Variants in RFPL3 observed in about 807,000 individuals in gnomAD.
RFPL3 encodes the protein ret finger protein like 3.
Under a neutral mutation model 8.7 loss-of-function variants are expected in RFPL3, and 8 were observed. The observed-to-expected ratio is 0.92, with a 90% CI of 0.54 to 1.66. The LOEUF is 1.66. Among genes scored for constraint, RFPL3 ranks in the 40% most tolerant of loss-of-function variants. The pLI is 0.00. For missense variants in RFPL3, 341 were observed against 395.0 expected (o/e 0.86, Z 1.16); for synonymous variants, 145 against 150.5 (o/e 0.96, Z 0.27).
upstream of RFPL3, among the ~76,000 whole-genome samples, chr22:32,355,781 C>CAAAAAAAAAA (rs5844988): frequency 3.0e-5 from 3 of 99,928 alleles, no homozygotes; most frequent in East Asian, 2.4e-4. Context: ...GACTTTGTCT[C>CAAAAAAAAAA]AAAAAAAAAA....
At position 32,358,086 on chromosome 22, in the gene RFPL3, A is replaced by G; in HGVS notation, c.15A>G (p.Ser5=). ...TACCTCTATGCATGAAAAGGTTGTC[A>G]CTTGTCACAACTAACAGGCTTTCAC... is the stretch of plus-strand genomic sequence containing the variant. MKRL[S]LVTTNRLSPQ... is the part of the protein sequence containing the mutation. Residue 5 remains serine (S), a synonymous_variant, in exon 1 of 2, where the codon TCA becomes TCG. Transcript: ENST00000249007. The G allele has an allele frequency of 6.2e-7, 1 of 1,613,278 alleles. No homozygotes were observed. The highest frequency in any genetic ancestry group is 8.5e-7 in the Non-Finnish European group (1 of 1,179,404).
chr22:32,358,204 G>C lies in RFPL3; in HGVS notation c.133G>C (p.Asp45His), dbSNP rs1932730807. The C allele has an allele frequency of 6.2e-7, 1 of 1,614,006 alleles. No individual in the cohort carries two copies. Among genetic ancestry groups the C allele is most frequent in the Non-Finnish European group, 8.5e-7 (1 of 1,179,876 alleles). The part of the protein sequence containing the change: ...QEASSCPVCS[D>H]YLEKPMSLEC... ...AGCAAGCAGCTGTCCCGTCTGCTCA[G>C]ACTATCTGGAAAAACCAATGTCCCT... The change falls in exon 1 of 2, where the codon GAC becomes CAC. Residue 45 changes from aspartate (D) to histidine (H), a missense_variant. By Grantham distance (81) the Asp-to-His change is moderately conservative. Transcript: ENST00000249007.
At position 32,360,520 on chromosome 22, in the gene RFPL3, A is replaced by C. The variant is rs753025546; in HGVS notation, c.642A>C (p.Gly214=). 7.4e-6 allele frequency: 12 copies of C among 1,613,940 alleles called. No homozygotes were observed. Among genetic ancestry groups the C allele is most frequent in the Admixed American group, 3.3e-5 (2 of 60,008 alleles). ...KGKIQLTTEL[G]FWTVSLRDGS... is the part of the protein sequence containing the mutation. ...AGATCCAGCTGACCACAGAGCTTGG[A>C]TTCTGGACTGTGAGTTTGAGGGATG... The change falls in exon 2 of 2, where the codon GGA becomes GGC. Residue 214 remains glycine, a synonymous_variant. Coordinates refer to ENST00000249007, the MANE Select transcript of RFPL3 (RefSeq NM_001098535.1).
rs780270312 is a variant in RFPL3 at position 32,360,307 on chromosome 22, C to A, written c.429C>A (p.Asp143Glu). ...TANNFLLISD[D>E]LRSVRSGLIT... ...ACAACTTCCTCCTCATTTCTGACGA[C>A]CTCAGGAGCGTCCGAAGTGGGCTCA... Residue 143 changes from aspartate to glutamate, a missense_variant, in exon 2 of 2, where the codon GAC (aspartate) becomes GAA (glutamate). Physicochemically the swap from Asp to Glu is conservative, Grantham distance 45. Coordinates refer to ENST00000249007, the MANE Select transcript of RFPL3 (RefSeq NM_001098535.1). 1.2e-6 allele frequency: 2 copies of A among 1,613,834 alleles called. No individual in the cohort carries two copies. Among genetic ancestry groups the A allele is most frequent in the African/African-American group, 1.3e-5 (1 of 74,920 alleles).
At chr22:32,356,736 C>A, upstream of RFPL3, 1 of 376,820 alleles carries the variant, frequency 2.7e-6, no homozygotes, top group Non-Finnish European at 5.2e-6. Context: ...GACCTTACAG[C>A]TGTAGCTGCT....
rs755983301 is a variant in RFPL3, at chr22:32,360,592, A to G, written c.714A>G (p.Val238=). 2 of 1,613,636 alleles carry G rather than the reference A, an allele frequency of 1.2e-6. No individual in the cohort carries two copies. The highest frequency in any genetic ancestry group is 1.3e-5 in the African/African-American group (1 of 74,908). The part of the protein sequence containing the change: ...ASTVPLTFLL[V]DRKLQRVGIF... ...CGGTGCCGCTGACTTTCCTCTTAGTAGACCGCAAGTTACAGCGAGTGGGGA... is the reference window on the plus strand; with the variant it reads ...CGGTGCCGCTGACTTTCCTCTTAGTGGACCGCAAGTTACAGCGAGTGGGGA... The change falls in exon 2 of 2, where the codon GTA becomes GTG. Residue 238 remains valine, a synonymous_variant. Coordinates refer to ENST00000249007, the MANE Select transcript of RFPL3 (RefSeq NM_001098535.1).
At chr22:32,359,464 C>T (rs1279344960) in intron 1 of RFPL3, among the ~76,000 whole-genome samples, 1 of 151,786 alleles carries the variant, frequency 6.6e-6, no homozygotes, top group Non-Finnish European at 1.5e-5. Context: ...TTCTCTAGGC[C>T]AGATCACACT....
rs1468965297 is a variant in RFPL3, at chr22:32,360,840, C to G, written c.*8C>G. ...CCTGGGGAGGCCAAATAAGCCGCCA[C>G]TGCAAAAAAAAACAGGGTCAGAAAA... On this transcript the variant is annotated 3_prime_UTR_variant, in exon 2 of 2. Coordinates refer to ENST00000249007, the MANE Select transcript of RFPL3 (RefSeq NM_001098535.1). 5 of 1,500,252 alleles carry G rather than the reference C, an allele frequency of 3.3e-6. No homozygotes were observed. The highest frequency in any genetic ancestry group is 4.4e-6 in the Non-Finnish European group (5 of 1,126,090). 92.9% of individuals were successfully genotyped at this position (1,500,252 alleles called of 1,614,324 possible). A position where few individuals can be genotyped will look rare whatever the true frequency, so the allele number is the denominator to read the frequency against.
At chr22:32,358,627 C>A (rs1932744884) in intron 1 of RFPL3, among the ~76,000 whole-genome samples, 183 bp downstream of exon 1, 1 of 152,164 alleles carries the variant, frequency 6.6e-6, no homozygotes, top group Non-Finnish European at 1.5e-5. Context: ...AAAACAAAAA[C>A]AAACAAAAAC....
Position 32,360,931 on chromosome 22 carries a change from G to A in RFPL3, c.*99G>A, listed in dbSNP as rs2145871099. The A allele has an allele frequency of 8.7e-7, 1 of 1,153,484 alleles. No homozygotes were observed. Among genetic ancestry groups the A allele is most frequent in the Non-Finnish European group, 1.2e-6 (1 of 838,284 alleles). 71.5% of individuals were successfully genotyped at this position (1,153,484 alleles called of 1,614,324 possible). A position where few individuals can be genotyped will look rare whatever the true frequency, so the allele number is the denominator to read the frequency against. ...AAGCATTATACAGTCATAGGAGAAA[G>A]ATATGGGACATTTCTATAATCTATA... On this transcript the variant is annotated 3_prime_UTR_variant, in exon 2 of 2. Transcript: ENST00000249007.
At chr22:32,356,192 C>G (rs560853455), upstream of RFPL3, among the ~76,000 whole-genome samples, 1 of 151,924 alleles carries the variant, frequency 6.6e-6, no homozygotes, top group South Asian at 2.1e-4. Flanking sequence ...GATTTCAAGG[C>G]TAAAGAAACA....
chr22:32,357,471 C>CTTTTTTTT (rs1490201838), upstream of RFPL3, among the ~76,000 whole-genome samples: 1 of 138,442 alleles, frequency 7.2e-6, no homozygotes, highest in African/African-American at 2.7e-5. Context: ...CATCCAGCCC[C>CTTTTTTTT]CTTTTTTTTT....
upstream of RFPL3, among the ~76,000 whole-genome samples, chr22:32,355,059 A>G (rs1425263359): frequency 6.6e-6 from 1 of 151,758 alleles, no homozygotes; most frequent in African/African-American, 2.4e-5. Context: ...AGAGCTTGGA[A>G]TGACAAAACT....
chr22:32,358,268 C>A lies in RFPL3; in HGVS notation c.197C>A (p.Ser66Ter). The A allele has an allele frequency of 6.2e-7, 1 of 1,613,952 alleles. No homozygotes were observed. The highest frequency in any genetic ancestry group is 8.5e-7 in the Non-Finnish European group (1 of 1,179,874). The change falls in exon 1 of 2, where the codon TCG (serine) becomes TAG (stop). Residue 66 changes from serine (S) to a stop codon, truncating the protein, a stop_gained. Coordinates refer to ENST00000249007, the MANE Select transcript of RFPL3 (RefSeq NM_001098535.1). LOFTEE classifies it high-confidence loss of function. ...ACCGTCTGCCTCAAGTGCATCAATT[C>A]GCTGCAGAAGGAGCCCCATGGGGAG... ...GCTVCLKCINSLQKEPHGEDL... is the reference protein window; with the variant it reads ...GCTVCLKCIN
rs750838543 is a variant in RFPL3, at chr22:32,360,345, G to A, written c.467G>A (p.Arg156Gln). 4 of 1,613,882 alleles carry A rather than the reference G, an allele frequency of 2.5e-6. No individual in the cohort carries two copies. The highest frequency in any genetic ancestry group is 1.3e-5 in the African/African-American group (1 of 75,002). Residue 156 changes from arginine (R) to glutamine (Q), a missense_variant, in exon 2 of 2, where the codon CGG (arginine) becomes CAG (glutamine). Coordinates refer to ENST00000249007, the MANE Select transcript of RFPL3 (RefSeq NM_001098535.1). ...SVRSGLITQN[R>Q]QDLAERFDVS... ...CGAAGTGGGCTCATCACACAGAATC[G>A]GCAAGACCTTGCCGAGAGATTTGAC...
At position 32,360,836 on chromosome 22, in the gene RFPL3, G is replaced by A. The variant is rs554259078; in HGVS notation, c.*4G>A. On this transcript the variant is annotated 3_prime_UTR_variant, in exon 2 of 2. Coordinates refer to ENST00000249007, the MANE Select transcript of RFPL3 (RefSeq NM_001098535.1). ...CCGTCCTGGGGAGGCCAAATAAGCC[G>A]CCACTGCAAAAAAAAACAGGGTCAG... 71 of 1,500,128 alleles carry A rather than the reference G, an allele frequency of 4.7e-5. No homozygotes were observed. In the African/African-American group the frequency reaches 7.1e-4, roughly 15 times the overall value. The allele number at this position is 1,500,128 out of a possible 1,614,324, so 92.9% of individuals were successfully genotyped here.
At chr22:32,360,201 A>T (rs1202011799) in intron 1 of RFPL3, 51 bp from the exon 2 acceptor site, 1 of 1,564,834 alleles carries the variant, frequency 6.4e-7, no homozygotes, top group South Asian at 1.2e-5. Context: ...GAAGAGAGGC[A>T]TGGGGTTGGC....
At position 32,360,188 on chromosome 22, in the gene RFPL3, G is replaced by A. The variant is rs961959506; in HGVS notation, c.374-64G>A. The stretch of plus-strand genomic sequence containing the variant: ...GTCAGGAGATATTTGGGCCTTTGAA[G>A]TAGAAGAGAGGCATGGGGTTGGCTT... On this transcript the variant is annotated intron_variant, in intron 1 of 1. Coordinates refer to ENST00000249007, the MANE Select transcript of RFPL3 (RefSeq NM_001098535.1). The A allele has an allele frequency of 4.6e-6, 7 of 1,535,268 alleles. No homozygotes were observed. The Admixed American group carries it at 1.4e-4, about 31-fold the overall frequency.
upstream of RFPL3, chr22:32,357,081 T>G (rs113670970): frequency 0.013 from 4,446 of 350,250 alleles, 198 homozygotes; most frequent in African/African-American, 0.093. Context: ...GCCCCCTCAG[T>G]GCCAGTGTAG....
Sources: gnomAD v4.1 joint callset for allele counts (sites outside exome capture counted in the v4.1 genomes callset) on GRCh38, gnomAD v4.1.1 for gene constraint, MANE v1.5 for transcripts, NCBI Gene and HGNC (gene_info 2026-07-23, HGNC 2026-07-21) for gene names.